AGBL4: variants seen among roughly 807,000 people sequenced by gnomAD.
The protein encoded by AGBL4 is AGBL carboxypeptidase 4, also known as cytosolic carboxypeptidase 6.
AGBL4 carries 58 observed loss-of-function variants against 66.4 expected under a neutral mutation model. That is an observed-to-expected ratio of 0.87 (90% CI 0.71 to 1.09). AGBL4 has a LOEUF of 1.09. Ranked by LOEUF, AGBL4 falls within the 50% of genes least tolerant of loss-of-function variation. The probability of loss-of-function intolerance (pLI) is 0.00; values close to 1 mark genes in which losing one functional copy is unlikely to be tolerated. For synonymous variants in AGBL4, 234 were observed against 222.9 expected (o/e 1.05, Z -0.44); for missense variants, 579 against 631.0 (o/e 0.92, Z 0.88).
chr1:49,324,741 G>T (rs1382630266), intron 3 of AGBL4, among the ~76,000 whole-genome samples: 2 of 152,102 alleles, frequency 1.3e-5, no homozygotes, highest in Non-Finnish European at 2.9e-5. Context: ...GCTCCAATTG[G>T]CTTCTCTCAC....
intron 2 of AGBL4, among the ~76,000 whole-genome samples, chr1:49,780,893 T>C (rs1369891776): frequency 2.6e-5 from 4 of 151,966 alleles, no homozygotes; most frequent in Admixed American, 6.6e-5. Context: ...TATGAATGGA[T>C]TAAATAATCC....
intron 2 of AGBL4, among the ~76,000 whole-genome samples, chr1:49,753,019 T>C (rs1460758627): frequency 4.6e-5 from 7 of 152,206 alleles, no homozygotes; most frequent in Non-Finnish European, 1.0e-4. Context: ...TGACCCTTTA[T>C]CCAATTTGCC....
intron 1 of AGBL4, among the ~76,000 whole-genome samples, chr1:49,863,881 A>T (rs1273553672): frequency 1.3e-5 from 2 of 152,218 alleles, no homozygotes; most frequent in Non-Finnish European, 2.9e-5. Context: ...CTTTCTCTAG[A>T]AACTAAAAAT....
intron 6 of AGBL4, among the ~76,000 whole-genome samples, chr1:48,731,735 T>C (rs1648170077): frequency 6.6e-6 from 1 of 152,162 alleles, no homozygotes; most frequent in Non-Finnish European, 1.5e-5. Context: ...TTCACCATGG[T>C]AATAACTTAA....
chr1:49,429,877 C>CTTTTTT (rs1645748157), intron 3 of AGBL4, among the ~76,000 whole-genome samples: 1 of 147,540 alleles, frequency 6.8e-6, no homozygotes, highest in African/African-American at 2.5e-5. Flanking sequence ...GAGACAGAGT[C>CTTTTTT]TCTGTCACCC....
chr1:48,759,089 G>T (rs769561530), intron 6 of AGBL4: 2 of 1,612,462 alleles, frequency 1.2e-6, no homozygotes. Flanking sequence ...TTGCGCAGCA[G>T]CTCCTCATAC....
intron 1 of AGBL4, among the ~76,000 whole-genome samples, chr1:49,921,789 T>C (rs1401278330): frequency 6.6e-6 from 1 of 152,182 alleles, no homozygotes; most frequent in Non-Finnish European, 1.5e-5. Flanking sequence ...AGCCAGCATA[T>C]CCCACCTTAT....
chr1:49,153,011 C>A (rs896569013), intron 4 of AGBL4, among the ~76,000 whole-genome samples: 3 of 151,816 alleles, frequency 2.0e-5, no homozygotes, highest in Non-Finnish European at 4.4e-5. Context: ...AAGAAGGAAA[C>A]ATGGAAGGGG....
At chr1:49,247,715 G>C (rs908782869) in intron 3 of AGBL4, among the ~76,000 whole-genome samples, 4 of 152,080 alleles carry the variant, frequency 2.6e-5, no homozygotes, top group Non-Finnish European at 4.4e-5. Flanking sequence ...AATATGTGAA[G>C]CTGGAATAAA....
intron 3 of AGBL4, among the ~76,000 whole-genome samples, chr1:49,513,781 T>C (rs1270110859): frequency 2.6e-5 from 4 of 152,044 alleles, no homozygotes; most frequent in African/African-American, 9.7e-5. Context: ...TTTCAACTTT[T>C]CTTGCTGCGC....
intron 4 of AGBL4, among the ~76,000 whole-genome samples, chr1:49,070,758 G>A (rs562158646): frequency 6.6e-6 from 1 of 151,960 alleles, no homozygotes; most frequent in Non-Finnish European, 1.5e-5. Context: ...AAATGAGTTA[G>A]GGAGGATTCC....
intron 3 of AGBL4, among the ~76,000 whole-genome samples, chr1:49,634,204 T>C (rs1645626480): frequency 6.6e-6 from 1 of 152,082 alleles, no homozygotes; most frequent in East Asian, 1.9e-4. Context: ...CCTAATGCTA[T>C]CTCTCCACTA....
chr1:49,570,118 G>A (rs1018768267), intron 3 of AGBL4, among the ~76,000 whole-genome samples: 4 of 152,028 alleles, frequency 2.6e-5, no homozygotes, highest in African/African-American at 7.2e-5. Flanking sequence ...TGGATCAAAT[G>A]GTAGTTCTAT....
At chr1:49,398,761 G>C (rs890388403) in intron 3 of AGBL4, among the ~76,000 whole-genome samples, 4 of 151,976 alleles carry the variant, frequency 2.6e-5, no homozygotes, top group African/African-American at 9.7e-5. Context: ...GAGATATTTT[G>C]ACACAGGCAT....
chr1:49,941,077 T>C (rs889037165), intron 1 of AGBL4, among the ~76,000 whole-genome samples: 3 of 152,118 alleles, frequency 2.0e-5, no homozygotes, highest in African/African-American at 7.2e-5. Flanking sequence ...GAGAAACTGG[T>C]AATCCCTAGA....
chr1:49,856,923 G>A (rs1646448326), intron 1 of AGBL4, among the ~76,000 whole-genome samples: 1 of 151,726 alleles, frequency 6.6e-6, no homozygotes, highest in Admixed American at 6.6e-5. Flanking sequence ...TGGGAAAAAA[G>A]GAAGCCAAAT....
intron 3 of AGBL4, among the ~76,000 whole-genome samples, chr1:49,307,081 T>C (rs1052839340): frequency 1.3e-5 from 2 of 152,104 alleles, no homozygotes; most frequent in Admixed American, 6.6e-5. Context: ...CCAGGTAAAG[T>C]TGGAAAGAAA....
intron 3 of AGBL4, among the ~76,000 whole-genome samples, chr1:49,382,103 G>T (rs1644629515): frequency 6.6e-6 from 1 of 152,024 alleles, no homozygotes; most frequent in Non-Finnish European, 1.5e-5. Context: ...TTTCTAGTAT[G>T]GATAAAAAAG....
At chr1:49,829,383 G>A (rs912846322) in intron 2 of AGBL4, among the ~76,000 whole-genome samples, 5 of 152,134 alleles carry the variant, frequency 3.3e-5, no homozygotes, top group Non-Finnish European at 5.9e-5. Flanking sequence ...AGCTGCCAGG[G>A]TAAGACAGTA....
Sources: allele counts gnomAD v4.1 joint callset (sites outside exome capture counted in the v4.1 genomes callset), GRCh38; gene constraint gnomAD v4.1.1; transcripts MANE v1.5; gene names NCBI Gene and HGNC (gene_info 2026-07-23, HGNC 2026-07-21).